The following LINGO2 variants were observed in gnomAD, a reference collection of about 807,000 sequenced individuals.
LINGO2 encodes leucine rich repeat and Ig domain containing 2, also known as leucine-rich repeat and immunoglobulin-like domain-containing nogo receptor-interacting protein 2.
LINGO2 carries 14 observed loss-of-function variants against 30.6 expected under a neutral mutation model. The observed-to-expected ratio is 0.46, with a 90% CI of 0.30 to 0.72. The LOEUF (loss-of-function observed/expected upper bound fraction) is 0.72. Among genes scored for constraint, LINGO2 ranks in the 30% least tolerant of loss-of-function variants. The probability of loss-of-function intolerance (pLI) is 0.07; values close to 1 mark genes in which losing one functional copy is unlikely to be tolerated. For missense variants in LINGO2, 729 were observed against 751.7 expected, an observed-to-expected ratio of 0.97 and a Z score of 0.35; for synonymous variants, 317 against 288.5, an observed-to-expected ratio of 1.10 and a Z score of -1.00.
the LINGO2 span, among the ~76,000 whole-genome samples, chr9:29,075,556 G>A: frequency 6.6e-6 from 1 of 152,122 alleles, no homozygotes; most frequent in Non-Finnish European, 1.5e-5. Flanking sequence ...TGCATAAACA[G>A]ATTTAGCCTA....
chr9:28,675,922 T>C, the LINGO2 span, among the ~76,000 whole-genome samples: 5 of 132,064 alleles, frequency 3.8e-5, no homozygotes, highest in African/African-American at 9.6e-5. Flanking sequence ...TATATATATA[T>C]ATACATACAC....
chr9:28,386,620 A>C (rs1030273831), intron 2 of LINGO2, among the ~76,000 whole-genome samples: 1 of 152,178 alleles, frequency 6.6e-6, no homozygotes, highest in Admixed American at 6.5e-5. Context: ...AAACAATCAT[A>C]GTTGCTTACC....
At chr9:28,951,790 T>C in the LINGO2 span, among the ~76,000 whole-genome samples, 3 of 152,146 alleles carry the variant, frequency 2.0e-5, no homozygotes, top group East Asian at 5.8e-4. Context: ...CTGTATAACT[T>C]CAGGGGCCTC....
intron 4 of LINGO2, among the ~76,000 whole-genome samples, chr9:28,206,972 C>G (rs1315994186): frequency 1.3e-5 from 2 of 152,086 alleles, no homozygotes; most frequent in Non-Finnish European, 2.9e-5. Flanking sequence ...ACATTAGACA[C>G]ATTATGTATA....
chr9:28,760,607 C>T, the LINGO2 span, among the ~76,000 whole-genome samples: 1 of 151,832 alleles, frequency 6.6e-6, no homozygotes, highest in Non-Finnish European at 1.5e-5. Flanking sequence ...ACCCATCACC[C>T]CAGCAGTGTA....
intron 4 of LINGO2, among the ~76,000 whole-genome samples, chr9:28,162,451 T>C (rs1233122356): frequency 6.6e-6 from 1 of 152,040 alleles, no homozygotes; most frequent in East Asian, 1.9e-4. Flanking sequence ...ACTAGATCAG[T>C]CAACTAGAGC....
At chr9:28,983,947 G>C in the LINGO2 span, among the ~76,000 whole-genome samples, 1 of 152,006 alleles carries the variant, frequency 6.6e-6, no homozygotes, top group Non-Finnish European at 1.5e-5. Context: ...GCTTTACAAT[G>C]TCAGTCAACC....
chr9:28,540,017 A>G (rs1251231874), intron 1 of LINGO2, among the ~76,000 whole-genome samples: 1 of 152,136 alleles, frequency 6.6e-6, no homozygotes, highest in Admixed American at 6.6e-5. Context: ...AAATTTGGAA[A>G]GGGTTTCCAG....
At chr9:28,385,951 C>T (rs896151449) in intron 2 of LINGO2, among the ~76,000 whole-genome samples, 3 of 152,082 alleles carry the variant, frequency 2.0e-5, no homozygotes, top group African/African-American at 7.2e-5. Flanking sequence ...TAATAAAATA[C>T]TACAGTTCTG....
At chr9:28,185,513 G>T (rs1037388863) in intron 4 of LINGO2, among the ~76,000 whole-genome samples, 1 of 151,854 alleles carries the variant, frequency 6.6e-6, no homozygotes, top group African/African-American at 2.4e-5. Flanking sequence ...TGTCATAAAT[G>T]GCTCTGAGAA....
intron 1 of LINGO2, among the ~76,000 whole-genome samples, chr9:28,622,087 C>T (rs1017329232): frequency 6.6e-6 from 1 of 151,994 alleles, no homozygotes; most frequent in Non-Finnish European, 1.5e-5. Flanking sequence ...TACTTTGATA[C>T]AGGCATGAAA....
In LINGO2 at chr9:28,661,261, T is replaced by C. The variant is rs546301525; in HGVS notation, c.-365+8939A>G. 2.2e-4 allele frequency among the ~76,000 whole-genome samples: 33 copies of C among 152,290 alleles called. 1 individual carries two copies. Among genetic ancestry groups the C allele is most frequent in the African/African-American group, 7.5e-4 (31 of 41,570 alleles). ...CTGTGAATTTGTCTAAGCTACCCCA[T>C]TGTATGATGAGAGATATGTGACCCA... On this transcript the variant is annotated intron_variant, in intron 1 of 5. Transcript: ENST00000379992.
At chr9:29,171,087 TA>T in the LINGO2 span, among the ~76,000 whole-genome samples, 1 of 152,160 alleles carries the variant, frequency 6.6e-6, no homozygotes, top group African/African-American at 2.4e-5. Context: ...TCAATTGTAG[TA>T]CCGGACATGC....
At chr9:28,257,460 G>C (rs924707815) in intron 4 of LINGO2, among the ~76,000 whole-genome samples, 1 of 151,786 alleles carries the variant, frequency 6.6e-6, no homozygotes, top group Non-Finnish European at 1.5e-5. Context: ...AGTAAAAATA[G>C]CCTCCCAGAG....
chr9:28,186,643 ATAAGT>A (rs1464464688), intron 4 of LINGO2, among the ~76,000 whole-genome samples: 1 of 152,140 alleles, frequency 6.6e-6, no homozygotes, highest in Non-Finnish European at 1.5e-5. Flanking sequence ...GAAGATTTAG[ATAAGT>A]TAAGAATCAA....
chr9:28,531,778 C>T (rs1033959703), intron 1 of LINGO2, among the ~76,000 whole-genome samples: 3 of 151,652 alleles, frequency 2.0e-5, no homozygotes, highest in Middle Eastern at 3.4e-3. Context: ...GAAATGGGGG[C>T]CAGTATAAGG....
the LINGO2 span, among the ~76,000 whole-genome samples, chr9:29,208,951 G>A: frequency 1.3e-5 from 2 of 152,114 alleles, no homozygotes; most frequent in Admixed American, 1.3e-4. Context: ...AATAGATACA[G>A]CAACTGTATC....
intron 5 of LINGO2, among the ~76,000 whole-genome samples, chr9:27,992,965 C>A (rs973962175): frequency 6.6e-6 from 1 of 152,054 alleles, no homozygotes; most frequent in Non-Finnish European, 1.5e-5. Context: ...ACTATGGGAG[C>A]TATTTTTTCC....
intron 1 of LINGO2, among the ~76,000 whole-genome samples, chr9:28,653,494 G>T (rs1828199577): frequency 6.6e-6 from 1 of 152,094 alleles, no homozygotes; most frequent in South Asian, 2.1e-4. Context: ...TTAAATAAAT[G>T]AGGACAATAC....
Sources: gnomAD v4.1 joint callset for allele counts (sites outside exome capture counted in the v4.1 genomes callset) on GRCh38, gnomAD v4.1.1 for gene constraint, MANE v1.5 for transcripts, NCBI Gene and HGNC (gene_info 2026-07-23, HGNC 2026-07-21) for gene names.